FSTL4: variants seen among roughly 807,000 people sequenced by gnomAD.
FSTL4 encodes the protein follistatin-related protein 4.
A neutral mutation model predicts 78.2 loss-of-function variants in FSTL4; 28 were observed. The ratio of observed to expected loss-of-function variants is 0.36; its 90% CI spans 0.27 to 0.49. FSTL4 has a LOEUF of 0.49. Ranked by LOEUF, FSTL4 falls within the 20% of genes least tolerant of loss-of-function variation. FSTL4 has a pLI of 0.98. For synonymous variants in FSTL4, 422 were observed against 440.5 expected, an observed-to-expected ratio of 0.96 and a Z score of 0.53; for missense variants, 922 against 1,084.9, an observed-to-expected ratio of 0.85 and a Z score of 2.11.
At chr5:133,416,890 C>G (rs962075594) in intron 3 of FSTL4, among the ~76,000 whole-genome samples, 3 of 152,128 alleles carry the variant, frequency 2.0e-5, no homozygotes, top group African/African-American at 7.2e-5. Context: ...TTCTTTCTAT[C>G]GAGGACATAT....
At chr5:133,825,606 A>G in the FSTL4 span, among the ~76,000 whole-genome samples, 2 of 152,256 alleles carry the variant, frequency 1.3e-5, no homozygotes, top group Non-Finnish European at 2.9e-5. Context: ...TGGGTGCAGG[A>G]GAGCCACCAA....
chr5:133,580,067 T>C (rs1208213650), intron 2 of FSTL4, among the ~76,000 whole-genome samples: 4 of 152,182 alleles, frequency 2.6e-5, no homozygotes, highest in Non-Finnish European at 4.4e-5. Flanking sequence ...AAAGGGACAC[T>C]TGAAGATCCC....
chr5:133,751,154 C>A, the FSTL4 span, among the ~76,000 whole-genome samples: 1 of 152,172 alleles, frequency 6.6e-6, no homozygotes, highest in Non-Finnish European at 1.5e-5. Context: ...AGAAGCCCTA[C>A]CTGCCAGTCA....
chr5:133,568,610 T>G (rs558926914), intron 2 of FSTL4, among the ~76,000 whole-genome samples: 44 of 152,324 alleles, frequency 2.9e-4, no homozygotes, highest in African/African-American at 1.1e-3. Flanking sequence ...CTCTGGTTCC[T>G]GAAGGAGTAC....
At chr5:133,222,932 G>A (rs1402856483) in intron 11 of FSTL4, among the ~76,000 whole-genome samples, 3 of 152,246 alleles carry the variant, frequency 2.0e-5, no homozygotes, top group Non-Finnish European at 4.4e-5. Flanking sequence ...TACCCAGGCA[G>A]TATTGAATTT....
At chr5:133,271,670 T>C (rs1454007719) in intron 6 of FSTL4, among the ~76,000 whole-genome samples, 2 of 152,174 alleles carry the variant, frequency 1.3e-5, no homozygotes, top group African/African-American at 4.8e-5. Context: ...GACAAAACTT[T>C]TCACTGTTTT....
chr5:133,477,122 C>T (rs567434108), intron 3 of FSTL4, among the ~76,000 whole-genome samples: 1 of 152,206 alleles, frequency 6.6e-6, no homozygotes, highest in African/African-American at 2.4e-5. Context: ...TGTTTACCTA[C>T]TATTTAGGTT....
the FSTL4 span, among the ~76,000 whole-genome samples, chr5:133,707,813 A>T: frequency 6.6e-6 from 1 of 151,872 alleles, no homozygotes; most frequent in Non-Finnish European, 1.5e-5. Context: ...GGTTGCAGAG[A>T]GGGCTCCTCT....
At chr5:133,651,613 C>T in the FSTL4 span, among the ~76,000 whole-genome samples, 1 of 150,954 alleles carries the variant, frequency 6.6e-6, no homozygotes, top group Non-Finnish European at 1.5e-5. Flanking sequence ...TGTATAACTC[C>T]TTTTAAACAT....
chr5:133,602,991 A>T (rs1760904744), intron 2 of FSTL4, among the ~76,000 whole-genome samples: 1 of 152,196 alleles, frequency 6.6e-6, no homozygotes, highest in Non-Finnish European at 1.5e-5. Flanking sequence ...ACAGGGACAA[A>T]GAAAAAGAGA....
At chr5:133,349,335 G>GTA (rs1754772695) in intron 4 of FSTL4, among the ~76,000 whole-genome samples, 1 of 151,128 alleles carries the variant, frequency 6.6e-6, no homozygotes, top group South Asian at 2.1e-4. Context: ...GTGTGTGTGT[G>GTA]TTTCTCCATG....
chr5:133,225,305 AGGGTG>A lies in FSTL4; in HGVS notation c.1178-26_1178-22del. On this transcript the variant is annotated intron_variant, in intron 9 of 15. Transcript: ENST00000265342. This position sits in a 1 kb window ranked among gnomAD's most constrained non-coding sequence, Gnocchi z 4.6. ...ATTGGCTGCAGACAGGACAGTGCTCAGGGTGGACTGCTCAGCTGGAGACCCACTCA... is the reference window on the plus strand; with the variant it reads ...ATTGGCTGCAGACAGGACAGTGCTCAGACTGCTCAGCTGGAGACCCACTCA... 6.2e-7 allele frequency: 1 copy of A among 1,614,096 alleles called. No individual in the cohort carries two copies. Among genetic ancestry groups the A allele is most frequent in the African/African-American group, 1.3e-5 (1 of 75,058 alleles).
the FSTL4 span, among the ~76,000 whole-genome samples, chr5:133,755,509 C>T: frequency 1.3e-5 from 2 of 152,238 alleles, no homozygotes; most frequent in African/African-American, 4.8e-5. Context: ...ACCCTCACAT[C>T]CTCTCCTCCC....
intron 6 of FSTL4, among the ~76,000 whole-genome samples, chr5:133,278,832 G>A (rs1332830517): frequency 2.0e-5 from 3 of 152,212 alleles, no homozygotes; most frequent in Non-Finnish European, 4.4e-5. Flanking sequence ...GCAGGCATGA[G>A]CCCTTCAAGA....
At chr5:133,803,573 C>T in the FSTL4 span, among the ~76,000 whole-genome samples, 1 of 152,228 alleles carries the variant, frequency 6.6e-6, no homozygotes, top group Non-Finnish European at 1.5e-5. Context: ...AAAAAGTCCT[C>T]TGCAAACCCA....
At chr5:133,731,237 C>T in the FSTL4 span, among the ~76,000 whole-genome samples, 4 of 152,218 alleles carry the variant, frequency 2.6e-5, no homozygotes, top group African/African-American at 7.2e-5. Flanking sequence ...ATAACCCATT[C>T]GTACTGTGGT....
chr5:133,327,547 G>A (rs1201336386), intron 4 of FSTL4, among the ~76,000 whole-genome samples: 3 of 152,352 alleles, frequency 2.0e-5, no homozygotes, highest in African/African-American at 7.2e-5. Context: ...AATAGCTGGA[G>A]GGTGCCCGCC....
intron 14 of FSTL4, among the ~76,000 whole-genome samples, chr5:133,204,140 T>C (rs898496403): frequency 5.3e-5 from 8 of 151,780 alleles, no homozygotes; most frequent in Non-Finnish European, 7.4e-5. Context: ...AAGTGGCATG[T>C]GGAGGGGTGG....
Position 133,316,500 on chromosome 5 carries a change from C to A in FSTL4, c.562G>T (p.Ala188Ser), listed in dbSNP as rs1475468487. 1 of 1,614,198 alleles carries A rather than the reference C, an allele frequency of 6.2e-7. No homozygotes were observed. Among genetic ancestry groups the A allele is most frequent in the Non-Finnish European group, 8.5e-7 (1 of 1,180,022 alleles). ...LVESLFRDLDADGNGHLSSSE... is the reference protein window; with the variant it reads ...LVESLFRDLDSDGNGHLSSSE... ...CTGCTGAGGTGGCCATTGCCATCTG[C>A]ATCTAAGTCCCTGAACAGAGATTCC... The change falls in exon 5 of 16, where the codon GCA (alanine) becomes TCA (serine). Residue 188 changes from alanine (A) to serine (S), a missense_variant. Ala to Ser is a moderately conservative substitution (Grantham distance 99). Transcript: ENST00000265342.
Sources: allele counts gnomAD v4.1 joint callset (sites outside exome capture counted in the v4.1 genomes callset), GRCh38; gene constraint gnomAD v4.1.1; non-coding constraint Gnocchi (gnomAD v3.1); transcripts MANE v1.5; gene names NCBI Gene and HGNC (gene_info 2026-07-23, HGNC 2026-07-21).